The following SLC9A9 variants were observed in gnomAD, a reference collection of about 807,000 sequenced individuals.
The protein encoded by SLC9A9 is solute carrier family 9 member A9.
A neutral mutation model predicts 77.8 loss-of-function variants in SLC9A9; 62 were observed. That is an observed-to-expected ratio of 0.80 (90% CI 0.65 to 0.98). The LOEUF (loss-of-function observed/expected upper bound fraction) is 0.98. Ranked by LOEUF, SLC9A9 falls within the 50% of genes least tolerant of loss-of-function variation. SLC9A9 has a pLI of 0.00. For synonymous variants in SLC9A9, 320 were observed against 283.5 expected, an observed-to-expected ratio of 1.13 and a Z score of -1.29; for missense variants, 775 against 774.9, an observed-to-expected ratio of 1.00 and a Z score of 0.00.
chr3:143,774,745 C>A (rs1471977660), intron 4 of SLC9A9, among the ~76,000 whole-genome samples: 2 of 152,020 alleles, frequency 1.3e-5, no homozygotes, highest in Non-Finnish European at 2.9e-5. Flanking sequence ...TTATATTATA[C>A]ATATATTCAT....
intron 8 of SLC9A9, among the ~76,000 whole-genome samples, chr3:143,561,054 G>A (rs6779379): frequency 0.1 from 15,162 of 152,172 alleles, 1,032 homozygotes; most frequent in African/African-American, 0.19. Flanking sequence ...GGTGGTGTGC[G>A]CCTGTAATCC....
intron 6 of SLC9A9, among the ~76,000 whole-genome samples, chr3:143,633,726 C>A (rs1436549371): frequency 6.6e-6 from 1 of 152,166 alleles, no homozygotes; most frequent in African/African-American, 2.4e-5. Context: ...TATACACACA[C>A]AAGATCTATA....
chr3:143,675,295 C>T (rs1249917299), intron 5 of SLC9A9, among the ~76,000 whole-genome samples: 2 of 152,208 alleles, frequency 1.3e-5, no homozygotes, highest in Non-Finnish European at 2.9e-5. Context: ...TAGCATAGTG[C>T]TATGACACTT....
intron 2 of SLC9A9, among the ~76,000 whole-genome samples, chr3:143,807,322 T>C (rs775374964): frequency 1.3e-5 from 2 of 152,210 alleles, no homozygotes; most frequent in Non-Finnish European, 2.9e-5. Flanking sequence ...TCTGAGTTGA[T>C]TGTTGCAGTC....
intron 12 of SLC9A9, among the ~76,000 whole-genome samples, chr3:143,448,550 CT>C (rs1300649353): frequency 6.6e-6 from 1 of 151,600 alleles, no homozygotes; most frequent in African/African-American, 2.4e-5. Context: ...AAGAAAACAA[CT>C]GGAAAGCCAC....
At chr3:143,766,689 C>A (rs11708749) in intron 4 of SLC9A9, among the ~76,000 whole-genome samples, 50,329 of 151,938 alleles carry the variant, frequency 0.33, 8,853 homozygotes, top group Non-Finnish European at 0.39. Context: ...CCTGCCTCAG[C>A]CTTCTGAATA....
At chr3:143,650,374 G>T (rs995440272) in intron 6 of SLC9A9, among the ~76,000 whole-genome samples, 4 of 152,196 alleles carry the variant, frequency 2.6e-5, no homozygotes, top group African/African-American at 9.7e-5. Flanking sequence ...TGTACAAAGA[G>T]AATAGTATGT....
At chr3:143,387,226 G>T (rs1256440951) in intron 12 of SLC9A9, among the ~76,000 whole-genome samples, 2 of 151,940 alleles carry the variant, frequency 1.3e-5, no homozygotes, top group Non-Finnish European at 2.9e-5. Context: ...TGAAGAGCAA[G>T]GAGAAACAAG....
chr3:143,337,165 G>T (rs533938443), intron 14 of SLC9A9, among the ~76,000 whole-genome samples: 1 of 151,902 alleles, frequency 6.6e-6, no homozygotes, highest in Non-Finnish European at 1.5e-5. Flanking sequence ...CATGAGCAAA[G>T]AGCTATTAAA....
Position 143,266,849 on chromosome 3 carries a change from T to C in SLC9A9, c.1791A>G (p.Ser597=). Residue 597 remains serine (S), a synonymous_variant, in exon 16 of 16, where the codon TCA becomes TCG. Coordinates refer to ENST00000316549, the MANE Select transcript of SLC9A9 (RefSeq NM_173653.4). ...LAINYQEQAS[S]PCSPPARLGL... is the part of the protein sequence containing the mutation. ...CTAGCCTTGCAGGAGGACTGCAGGG[T>C]GAGGAGGCTTGCTCCTGGTAATTTA... The C allele has an allele frequency of 1.2e-6, 2 of 1,614,142 alleles. No homozygotes were observed. Among genetic ancestry groups the C allele is most frequent in the South Asian group, 1.1e-5 (1 of 91,078 alleles).
intron 4 of SLC9A9, among the ~76,000 whole-genome samples, chr3:143,708,192 C>T (rs1444890040): frequency 6.6e-6 from 1 of 152,156 alleles, no homozygotes. Context: ...ACTCGGCATC[C>T]TGATTGTGTG....
chr3:143,691,389 T>C (rs1056349069), intron 5 of SLC9A9, among the ~76,000 whole-genome samples: 1 of 152,008 alleles, frequency 6.6e-6, no homozygotes, highest in African/African-American at 2.4e-5. Flanking sequence ...TCTTATATGT[T>C]CCTAAGAAAC....
chr3:143,423,058 T>G (rs2034329103), intron 12 of SLC9A9, among the ~76,000 whole-genome samples: 2 of 151,776 alleles, frequency 1.3e-5, no homozygotes, highest in African/African-American at 4.8e-5. Flanking sequence ...GGCTATTAGG[T>G]TTTTCACTGC....
intron 12 of SLC9A9, among the ~76,000 whole-genome samples, chr3:143,418,708 T>C (rs1297572918): frequency 6.6e-6 from 1 of 152,192 alleles, no homozygotes; most frequent in Admixed American, 6.5e-5. Context: ...ATGAACCTTC[T>C]AGAGAAACCT....
intron 2 of SLC9A9, among the ~76,000 whole-genome samples, chr3:143,799,694 G>A (rs1230149082): frequency 6.6e-6 from 1 of 152,224 alleles, no homozygotes; most frequent in Non-Finnish European, 1.5e-5. Context: ...CAGAGCCGCT[G>A]GAACTCTGGC....
At chr3:143,357,474 G>T (rs1045567806) in intron 14 of SLC9A9, among the ~76,000 whole-genome samples, 3 of 152,094 alleles carry the variant, frequency 2.0e-5, no homozygotes, top group African/African-American at 7.2e-5. Flanking sequence ...GCTACTGAAA[G>T]TAAAACATAC....
chr3:143,291,595 G>C (rs1170267812), intron 14 of SLC9A9, among the ~76,000 whole-genome samples: 1 of 152,186 alleles, frequency 6.6e-6, no homozygotes, highest in African/African-American at 2.4e-5. Flanking sequence ...TTGGGCTGGA[G>C]ACATCAGGAA....
At chr3:143,599,800 A>G (rs964121260) in intron 6 of SLC9A9, among the ~76,000 whole-genome samples, 1 of 152,244 alleles carries the variant, frequency 6.6e-6, no homozygotes, top group Non-Finnish European at 1.5e-5. Context: ...GTAAGAAATC[A>G]AAGGGTCTCA....
chr3:143,517,632 C>T, intron 9 of SLC9A9: 1 of 1,597,396 alleles, frequency 6.3e-7, no homozygotes, highest in South Asian at 1.1e-5. Context: ...TGGGCTGCTT[C>T]TTCCTACTGG....
Sources: gnomAD v4.1 joint callset for allele counts (sites outside exome capture counted in the v4.1 genomes callset) on GRCh38, gnomAD v4.1.1 for gene constraint, MANE v1.5 for transcripts, NCBI Gene and HGNC (gene_info 2026-07-23, HGNC 2026-07-21) for gene names.